Variants in MAST2 observed in about 807,000 individuals in gnomAD.
MAST2 encodes the protein microtubule associated serine/threonine kinase 2.
MAST2 carries 70 observed loss-of-function variants against 147.4 expected under a neutral mutation model. That is an observed-to-expected ratio of 0.47 (90% CI 0.39 to 0.58). The LOEUF (loss-of-function observed/expected upper bound fraction) is 0.58, where lower values mean the gene tolerates loss of function less well. Ranked by LOEUF, MAST2 falls within the 20% of genes least tolerant of loss-of-function variation. The probability of loss-of-function intolerance (pLI) is 0.00; values close to 1 mark genes in which losing one functional copy is unlikely to be tolerated. For missense variants in MAST2, 2,080 were observed against 2,302.3 expected, an observed-to-expected ratio of 0.90 and a Z score of 1.98; for synonymous variants, 869 against 896.8, an observed-to-expected ratio of 0.97 and a Z score of 0.55.
intron 5 of MAST2, among the ~76,000 whole-genome samples, chr1:45,994,984 G>C (rs1333684255): frequency 6.6e-6 from 1 of 151,760 alleles, no homozygotes; most frequent in African/African-American, 2.4e-5. Flanking sequence ...GACTACAGGC[G>C]CCCGCCACCA....
intron 5 of MAST2, among the ~76,000 whole-genome samples, chr1:45,978,242 G>A (rs767643659): frequency 2.0e-5 from 3 of 152,188 alleles, no homozygotes; most frequent in East Asian, 1.9e-4. Flanking sequence ...AGCTGGGTGC[G>A]GTGGCTCACG....
At chr1:45,989,430 A>C (rs541338371) in intron 5 of MAST2, among the ~76,000 whole-genome samples, 1 of 152,232 alleles carries the variant, frequency 6.6e-6, no homozygotes, top group East Asian at 1.9e-4. Context: ...TCATTTCCAA[A>C]GTTTCTTACG....
At chr1:46,008,485 A>G (rs777731753) in intron 9 of MAST2, 114 bp downstream of exon 9, 2 of 695,316 alleles carry the variant, frequency 2.9e-6, no homozygotes, top group Non-Finnish European at 5.1e-6. Flanking sequence ...AGAGATAACC[A>G]AGAAGAAGAA....
At position 46,025,726 on chromosome 1, in the gene MAST2, C is replaced by T; in HGVS notation, c.1830C>T (p.Asp610=). The change falls in exon 16 of 29, where the codon GAC becomes GAT. Residue 610 remains aspartate, a synonymous_variant. Coordinates refer to ENST00000361297, the MANE Select transcript of MAST2 (RefSeq NM_015112.3). The part of the protein sequence containing the change: ...LLKNIGALPV[D]MVRLYFAETV... ...AGAATATTGGGGCCCTGCCTGTGGACATGGTGCGTCTATACTTTGCGGAAA... is the reference window on the plus strand; with the variant it reads ...AGAATATTGGGGCCCTGCCTGTGGATATGGTGCGTCTATACTTTGCGGAAA... The T allele has an allele frequency of 6.2e-7, 1 of 1,614,216 alleles. No homozygotes were observed. Among genetic ancestry groups the T allele is most frequent in the South Asian group, 1.1e-5 (1 of 91,090 alleles).
At chr1:45,826,464 C>T (rs979822215) in intron 2 of MAST2, among the ~76,000 whole-genome samples, 2 of 152,046 alleles carry the variant, frequency 1.3e-5, no homozygotes, top group Non-Finnish European at 2.9e-5. Context: ...GTGATCCTCC[C>T]ACCTCAGTCT....
intron 2 of MAST2, among the ~76,000 whole-genome samples, chr1:45,825,943 G>T (rs1644778257): frequency 6.6e-6 from 1 of 151,904 alleles, no homozygotes; most frequent in Admixed American, 6.6e-5. Flanking sequence ...CGGGCATGGT[G>T]ATATGTGTCT....
intron 10 of MAST2, among the ~76,000 whole-genome samples, chr1:46,012,450 T>C (rs1645753051): frequency 6.6e-6 from 1 of 152,210 alleles, no homozygotes; most frequent in Admixed American, 6.5e-5. Flanking sequence ...CAGTGCAGGC[T>C]CTATCTTAGG....
At chr1:45,889,809 C>G (rs1234615775) in intron 4 of MAST2, among the ~76,000 whole-genome samples, 1 of 151,782 alleles carries the variant, frequency 6.6e-6, no homozygotes, top group Non-Finnish European at 1.5e-5. Context: ...CAGGGTTTCA[C>G]CACATTGGTC....
chr1:45,829,696 T>C, intron 3 of MAST2, 115 bp downstream of exon 3: 1 of 1,109,254 alleles, frequency 9.0e-7, no homozygotes, highest in Non-Finnish European at 1.3e-6. Context: ...TTTCCCAAAA[T>C]GAAGTATGGA....
intron 5 of MAST2, among the ~76,000 whole-genome samples, chr1:45,991,791 G>C (rs1644863997): frequency 6.6e-6 from 1 of 152,104 alleles, no homozygotes; most frequent in Admixed American, 6.5e-5. Flanking sequence ...ATTCTACATA[G>C]ACAATCATGT....
intron 3 of MAST2, among the ~76,000 whole-genome samples, chr1:45,876,938 G>T (rs1646630876): frequency 6.6e-6 from 1 of 152,196 alleles, no homozygotes; most frequent in African/African-American, 2.4e-5. Flanking sequence ...AACTATTCAA[G>T]AAGTCAGAAC....
chr1:46,013,846 C>T (rs1022436104), intron 10 of MAST2, among the ~76,000 whole-genome samples: 3 of 152,014 alleles, frequency 2.0e-5, no homozygotes, highest in African/African-American at 7.2e-5. Flanking sequence ...TTTTTCTTCT[C>T]GTGTGTGTGT....
In MAST2 at chr1:46,023,392, T is replaced by G; in HGVS notation, c.1571+74T>G. ...TTGATCTCTTCCATGTGAGAGTGTA[T>G]GCTGCCCAGTCCTCTGGGCAGATGC... On this transcript the variant is annotated intron_variant, in intron 14 of 28. Transcript: ENST00000361297. The surrounding 1 kb of genome is among the most constrained non-coding windows in gnomAD (Gnocchi z 4.9). 1 of 1,375,800 alleles carries G rather than the reference T, an allele frequency of 7.3e-7. No individual in the cohort carries two copies. The highest frequency in any genetic ancestry group is 1.0e-6 in the Non-Finnish European group (1 of 964,888). The allele number at this position is 1,375,800 out of a possible 1,614,324, so 85.2% of individuals were successfully genotyped here.
intron 4 of MAST2, among the ~76,000 whole-genome samples, chr1:45,939,980 GTT>G (rs1174123217): frequency 0.18 from 17,275 of 96,304 alleles, 1,102 homozygotes; most frequent in Non-Finnish European, 0.23. Context: ...TTTATTTAGG[GTT>G]TTTTTTTTTT....
chr1:45,913,609 T>C, intron 4 of MAST2: 1 of 994,120 alleles, frequency 1.0e-6, no homozygotes, highest in Non-Finnish European at 1.2e-6. Context: ...ATCTGGAACT[T>C]GTCACTGTCC....
Position 46,033,954 on chromosome 1 carries a change from T to C in MAST2, c.3674+16T>C. 1 of 1,613,676 alleles carries C rather than the reference T, an allele frequency of 6.2e-7. No individual in the cohort carries two copies. Among genetic ancestry groups the C allele is most frequent in the Non-Finnish European group, 8.5e-7 (1 of 1,179,674 alleles). Reference sequence around the variant, plus strand: ...GGCAAGAAAGGTGAGCCAGGCGCAGTGAAGAGGGTTTTCTCTGAGCCACAT... The same window carrying C: ...GGCAAGAAAGGTGAGCCAGGCGCAGCGAAGAGGGTTTTCTCTGAGCCACAT... On this transcript the variant is annotated intron_variant, in intron 27 of 28. Transcript: ENST00000361297.
chr1:45,871,221 T>C (rs377361621), intron 3 of MAST2, among the ~76,000 whole-genome samples: 214 of 65,838 alleles, frequency 3.3e-3, no homozygotes, highest in Non-Finnish European at 4.7e-3. Context: ...TACTGTCCCC[T>C]TTTTTTTTTA....
chr1:46,000,696 C>G (rs1329651196), intron 6 of MAST2, among the ~76,000 whole-genome samples: 1 of 152,194 alleles, frequency 6.6e-6, no homozygotes, highest in Non-Finnish European at 1.5e-5. Context: ...TGTTTCAACC[C>G]TGCCAAACAG....
intron 5 of MAST2, among the ~76,000 whole-genome samples, chr1:45,983,739 C>T (rs1331093609): frequency 6.6e-6 from 1 of 152,106 alleles, no homozygotes; most frequent in Non-Finnish European, 1.5e-5. Flanking sequence ...GAAGTCCTCC[C>T]ACAGTGTTAG....
Sources: allele counts gnomAD v4.1 joint callset (sites outside exome capture counted in the v4.1 genomes callset), GRCh38; gene constraint gnomAD v4.1.1; non-coding constraint Gnocchi (gnomAD v3.1); transcripts MANE v1.5; gene names NCBI Gene and HGNC (gene_info 2026-07-23, HGNC 2026-07-21).